Variants in ZRANB3 observed in about 807,000 individuals in gnomAD.
ZRANB3 encodes zinc finger RANBP2-type containing 3, also known as DNA annealing helicase and endonuclease ZRANB3.
ZRANB3 carries 125 observed loss-of-function variants against 133.8 expected under a neutral mutation model. The ratio of observed to expected loss-of-function variants is 0.93; its 90% CI spans 0.81 to 1.08. ZRANB3 has a LOEUF of 1.08. ZRANB3 is among the 50% of genes least tolerant of loss of function. The pLI, the probability that ZRANB3 is intolerant of heterozygous loss-of-function variation, is 0.00. For missense variants in ZRANB3, 1,229 were observed against 1,275.5 expected (o/e 0.96, Z 0.56); for synonymous variants, 387 against 432.7 (o/e 0.89, Z 1.31).
intron 1 of ZRANB3, among the ~76,000 whole-genome samples, chr2:135,516,142 A>G (rs986802803): frequency 6.6e-6 from 1 of 151,414 alleles, no homozygotes; most frequent in Non-Finnish European, 1.5e-5. Context: ...CTTGGTAAAT[A>G]TTCTTCCATC....
At chr2:135,365,928 G>A (rs1685913637) in intron 3 of ZRANB3, among the ~76,000 whole-genome samples, 2 of 152,142 alleles carry the variant, frequency 1.3e-5, no homozygotes, top group African/African-American at 4.8e-5. Flanking sequence ...GTTACATAAT[G>A]ACACATAAAA....
At chr2:135,391,955 T>C (rs943260708) in intron 2 of ZRANB3, among the ~76,000 whole-genome samples, 1 of 152,162 alleles carries the variant, frequency 6.6e-6, no homozygotes, top group Admixed American at 6.6e-5. Flanking sequence ...AAATAAATTC[T>C]ATGCAATGAT....
At chr2:135,205,141 T>C (rs4954226) in intron 19 of ZRANB3, among the ~76,000 whole-genome samples, 46,941 of 152,104 alleles carry the variant, frequency 0.31, 11,173 homozygotes, top group African/African-American at 0.65. Flanking sequence ...AATTCATTCT[T>C]TCATAATTCA....
intron 5 of ZRANB3, among the ~76,000 whole-genome samples, chr2:135,345,872 GATC>G (rs1684897645): frequency 6.6e-6 from 1 of 152,000 alleles, no homozygotes; most frequent in Admixed American, 6.6e-5. Context: ...ACATAAGGAG[GATC>G]ATATCATATA....
chr2:135,435,754 T>A (rs578032286), intron 2 of ZRANB3, among the ~76,000 whole-genome samples: 61 of 152,146 alleles, frequency 4.0e-4, no homozygotes, highest in African/African-American at 1.4e-3. Context: ...TGATACTGAG[T>A]TTTTATATGC....
At position 135,477,142 on chromosome 2, in the gene ZRANB3, AAGTAT is replaced by A. The variant is rs527731301; in HGVS notation, c.161+27182_161+27186del. Among the ~76,000 whole-genome samples the A allele has an allele frequency of 3.3e-3, 500 of 152,280 alleles. 4 individuals are homozygous for A. The highest frequency in any genetic ancestry group is 7.7e-3 in the South Asian group (37 of 4,826). On this transcript the variant is annotated intron_variant, in intron 2 of 20. Coordinates refer to ENST00000264159, the MANE Select transcript of ZRANB3 (RefSeq NM_032143.4). ...TTAATTTTCATTTTACTTGCTGTTG[AAGTAT>A]AGTATGTCTTTTTCTCTGTTATGTG... is the stretch of plus-strand genomic sequence containing the variant.
chr2:135,350,914 A>G (rs544168417), intron 4 of ZRANB3, among the ~76,000 whole-genome samples: 1 of 152,284 alleles, frequency 6.6e-6, no homozygotes, highest in South Asian at 2.1e-4. Context: ...AATATTCTGT[A>G]TCTTGCTGTC....
intron 2 of ZRANB3, among the ~76,000 whole-genome samples, chr2:135,461,362 G>A (rs1574139414): frequency 6.6e-6 from 1 of 152,152 alleles, no homozygotes. Flanking sequence ...CTGAGGTTGG[G>A]AGTTCAAGAC....
chr2:135,349,395 C>G (rs1235344781), intron 5 of ZRANB3, among the ~76,000 whole-genome samples: 1 of 152,216 alleles, frequency 6.6e-6, no homozygotes, highest in Non-Finnish European at 1.5e-5. Flanking sequence ...GACATTTCTT[C>G]CATCATGTCT....
intron 11 of ZRANB3, among the ~76,000 whole-genome samples, chr2:135,266,801 A>G (rs958206892): frequency 6.6e-6 from 1 of 152,018 alleles, no homozygotes; most frequent in African/African-American, 2.4e-5. Flanking sequence ...AGAAACATTT[A>G]CAATCTATTC....
At chr2:135,245,991 T>C (rs1695779410) in intron 12 of ZRANB3, among the ~76,000 whole-genome samples, 1 of 142,092 alleles carries the variant, frequency 7.0e-6, no homozygotes, top group Non-Finnish European at 1.5e-5. Context: ...GGTGGACTTG[T>C]GGTTTGAATA....
Position 135,271,786 on chromosome 2 carries a change from G to A in ZRANB3, c.1188C>T (p.Ser396=). The change falls in exon 10 of 21, where the codon AGC becomes AGT. Residue 396 remains serine, a synonymous_variant. Transcript: ENST00000264159. ...KDPDTRVAIL[S]IQAAGQGLTF... is the part of the protein sequence containing the mutation. ...TTCTTACCTGGCCAGCAGCCTGAAT[G>A]CTTAGGATAGCCACGCGAGTGTCAG... 6.2e-7 allele frequency: 1 copy of A among 1,613,124 alleles called. No individual in the cohort carries two copies. Among genetic ancestry groups the A allele is most frequent in the Non-Finnish European group, 8.5e-7 (1 of 1,179,654 alleles).
At chr2:135,407,863 T>C (rs1176411817) in intron 2 of ZRANB3, among the ~76,000 whole-genome samples, 1 of 134,226 alleles carries the variant, frequency 7.5e-6, no homozygotes, top group Non-Finnish European at 1.5e-5. Context: ...CCTAAAACCA[T>C]AAAAACCCTA....
intron 2 of ZRANB3, among the ~76,000 whole-genome samples, chr2:135,438,334 G>GT (rs1344674039): frequency 4.0e-5 from 6 of 151,830 alleles, no homozygotes; most frequent in Admixed American, 2.0e-4. Context: ...GTGAAACTCC[G>GT]TATCTACTAA....
At chr2:135,273,485 G>A (rs1318123516) in intron 9 of ZRANB3, among the ~76,000 whole-genome samples, 1 of 151,872 alleles carries the variant, frequency 6.6e-6, no homozygotes, top group Non-Finnish European at 1.5e-5. Context: ...AAAATACATT[G>A]TCAGGGTAGG....
At chr2:135,509,844 GCAA>G (rs1693363590) in intron 1 of ZRANB3, among the ~76,000 whole-genome samples, 1 of 151,964 alleles carries the variant, frequency 6.6e-6, no homozygotes, top group African/African-American at 2.4e-5. Flanking sequence ...AAACATACCA[GCAA>G]GAATCAAAAT....
At chr2:135,226,452 C>G (rs979848202) in intron 14 of ZRANB3, among the ~76,000 whole-genome samples, 1 of 152,094 alleles carries the variant, frequency 6.6e-6, no homozygotes, top group Non-Finnish European at 1.5e-5. Context: ...GTGAAGCATA[C>G]CTCTTATGTG....
rs373108921 is a variant in ZRANB3 at position 135,219,162 on chromosome 2, C to G, written c.2267G>C (p.Ser756Thr). The G allele has an allele frequency of 1.2e-5, 18 of 1,529,350 alleles. No homozygotes were observed. The highest frequency in any genetic ancestry group is 1.5e-5 in the Non-Finnish European group (17 of 1,144,146). The allele number at this position is 1,529,350 out of a possible 1,614,324, so 94.7% of individuals were successfully genotyped here. ...TATATCCAGAGGAATGAAATTACAG[C>G]TCATCTGTTTTCCATCCTGATGATA... is the stretch of plus-strand genomic sequence containing the variant. ...HIYTKDGKQM[S>T]CNFIPLDIKL... Residue 756 changes from serine (S) to threonine (T), a missense_variant, in exon 16 of 21, where the codon AGC (serine) becomes ACC (threonine). Coordinates refer to ENST00000264159, the MANE Select transcript of ZRANB3 (RefSeq NM_032143.4).
chr2:135,453,597 G>A (rs536724523), intron 2 of ZRANB3, among the ~76,000 whole-genome samples: 2 of 152,268 alleles, frequency 1.3e-5, no homozygotes, highest in Admixed American at 6.5e-5. Flanking sequence ...CAAATCTCTA[G>A]GGCAGGGGCA....
Sources: gnomAD v4.1 joint callset for allele counts (sites outside exome capture counted in the v4.1 genomes callset) on GRCh38, gnomAD v4.1.1 for gene constraint, MANE v1.5 for transcripts, NCBI Gene and HGNC (gene_info 2026-07-23, HGNC 2026-07-21) for gene names.